Variants in ADCY1 observed in about 807,000 individuals in gnomAD.
ADCY1 encodes adenylate cyclase 1.
In ADCY1, 28 loss-of-function variants were observed where a neutral mutation model predicts 105.4. The ratio of observed to expected loss-of-function variants is 0.27; its 90% CI spans 0.20 to 0.36. The LOEUF (loss-of-function observed/expected upper bound fraction) is 0.36, where lower values mean the gene tolerates loss of function less well. Ranked by LOEUF, ADCY1 falls within the 10% of genes least tolerant of loss-of-function variation. ADCY1 has a pLI of 1.00. For missense variants in ADCY1, 977 were observed against 1,434.2 expected (o/e 0.68, Z 5.15); for synonymous variants, 655 against 623.8 (o/e 1.05, Z -0.75).
At chr7:45,653,488 C>T (rs1371345246) in intron 5 of ADCY1, among the ~76,000 whole-genome samples, 1 of 152,232 alleles carries the variant, frequency 6.6e-6, no homozygotes, top group Admixed American at 6.5e-5. Flanking sequence ...GTCCCTGTGT[C>T]AATCTGAGAC....
At chr7:45,657,665 A>T (rs975072077) in intron 5 of ADCY1, 62 bp from the exon 6 acceptor site, 1 of 1,543,914 alleles carries the variant, frequency 6.5e-7, no homozygotes, top group Non-Finnish European at 8.8e-7. Flanking sequence ...GTGCAGACCA[A>T]GGTGGCCCCC....
rs150372480 is a variant in ADCY1 at position 45,595,474 on chromosome 7, C to T, written c.789+2566C>T. Among the ~76,000 whole-genome samples the T allele has an allele frequency of 3.1e-3, 476 of 152,266 alleles. 3 individuals are homozygous for T. The highest frequency in any genetic ancestry group is 0.011 in the African/African-American group (452 of 41,544). On this transcript the variant is annotated intron_variant, in intron 2 of 19. Coordinates refer to ENST00000297323, the MANE Select transcript of ADCY1 (RefSeq NM_021116.4). Reference sequence around the variant, plus strand: ...ACCTCCTGTTTCCCCTGCCCCTTTCCGTTTACTAAGGCTGACGGCGACTCC... The same window carrying T: ...ACCTCCTGTTTCCCCTGCCCCTTTCTGTTTACTAAGGCTGACGGCGACTCC...
chr7:45,706,242 A>G (rs1785114485), intron 17 of ADCY1, among the ~76,000 whole-genome samples: 1 of 152,198 alleles, frequency 6.6e-6, no homozygotes, highest in Non-Finnish European at 1.5e-5. Flanking sequence ...AGTCAACACA[A>G]TATTGAAGCA....
chr7:45,632,967 G>T (rs966858702), intron 4 of ADCY1, among the ~76,000 whole-genome samples: 1 of 152,150 alleles, frequency 6.6e-6, no homozygotes, highest in African/African-American at 2.4e-5. Flanking sequence ...GCTTAGACTG[G>T]AGTGCAGTGG....
At chr7:45,595,323 A>AG (rs1253665682) in intron 2 of ADCY1, among the ~76,000 whole-genome samples, 2 of 152,090 alleles carry the variant, frequency 1.3e-5, no homozygotes, top group Non-Finnish European at 2.9e-5. Flanking sequence ...GGTGGGGCCC[A>AG]GGGGGGTTGG....
chr7:45,648,919 G>A, intron 5 of ADCY1, 122 bp downstream of exon 5: 1 of 1,212,920 alleles, frequency 8.2e-7, no homozygotes, highest in Non-Finnish European at 1.1e-6. Context: ...GTCCTGATGG[G>A]TCTGTCTGAG....
chr7:45,697,669 C>T (rs758518084), intron 14 of ADCY1, among the ~76,000 whole-genome samples: 84 of 152,322 alleles, frequency 5.5e-4, no homozygotes, highest in Admixed American at 1.4e-3. Flanking sequence ...GGATTACAGG[C>T]GTAAGCCACT....
chr7:45,673,861 G>A (rs1443276535), intron 8 of ADCY1, among the ~76,000 whole-genome samples: 3 of 150,452 alleles, frequency 2.0e-5, no homozygotes, highest in African/African-American at 4.9e-5. Flanking sequence ...ATTGATTTGA[G>A]ACTTTTTCTT....
At chr7:45,684,697 A>G in intron 11 of ADCY1, 1 of 273,566 alleles carries the variant, frequency 3.7e-6, no homozygotes, top group Non-Finnish European at 6.9e-6. Context: ...CTATCCAGTT[A>G]ACTTCAGTGC....
chr7:45,697,274 G>A (rs984537586), intron 14 of ADCY1, among the ~76,000 whole-genome samples: 42 of 152,042 alleles, frequency 2.8e-4, no homozygotes, highest in Admixed American at 2.3e-3. Context: ...GTTTCTCTCC[G>A]TGTACAGTGA....
intron 8 of ADCY1, chr7:45,664,483 A>G: frequency 6.8e-7 from 1 of 1,481,336 alleles, no homozygotes. Context: ...TTCTCTCAGC[A>G]CTCTCTCCTG....
At chr7:45,684,861 G>C (rs533613474) in intron 11 of ADCY1, 118 bp from the exon 12 acceptor site, 17 of 836,012 alleles carry the variant, frequency 2.0e-5, no homozygotes, top group Non-Finnish European at 3.4e-5. Flanking sequence ...GTGAAAAACG[G>C]ATGTGGACCT....
At chr7:45,696,617 C>G (rs1234319310) in intron 14 of ADCY1, among the ~76,000 whole-genome samples, 2 of 152,108 alleles carry the variant, frequency 1.3e-5, no homozygotes, top group African/African-American at 2.4e-5. Context: ...AACACGTGCT[C>G]AGGGTCAGGC....
At chr7:45,702,666 C>G (rs763858450) in intron 14 of ADCY1, among the ~76,000 whole-genome samples, 5 of 152,226 alleles carry the variant, frequency 3.3e-5, no homozygotes, top group Non-Finnish European at 7.3e-5. Flanking sequence ...GTGAATGAGG[C>G]CTTTGCTGTC....
Position 45,716,274 on chromosome 7 carries a change from G to C in ADCY1, c.*2279G>C, listed in dbSNP as rs1411604628. 1 of 152,724 alleles carries C rather than the reference G, an allele frequency of 6.5e-6. No homozygotes were observed. The highest frequency in any genetic ancestry group is 6.5e-5 in the Admixed American group (1 of 15,294). 9.5% of individuals were successfully genotyped at this position (152,724 alleles called of 1,614,324 possible). A position where few individuals can be genotyped will look rare whatever the true frequency, so the allele number is the denominator to read the frequency against. ...CCTGAGCTCATCCTGAGGACCCAGG[G>C]TCCATCTGAGCTGGCTGTGGGCTGA... On this transcript the variant is annotated 3_prime_UTR_variant, in exon 20 of 20. Transcript: ENST00000297323.
intron 3 of ADCY1, among the ~76,000 whole-genome samples, chr7:45,611,247 T>C (rs1793582592): frequency 6.6e-6 from 1 of 151,820 alleles, no homozygotes; most frequent in Admixed American, 6.6e-5. Context: ...AGGGCAGATG[T>C]GGTCAGGAGG....
Position 45,686,529 on chromosome 7 carries a change from T to C in ADCY1, c.2328-18T>C. ...AAGCTCGGCACTGACTTGGCTTTTC[T>C]TCCTCATCTTCCCCCAGGGGTGGTG... On this transcript the variant is annotated intron_variant, in intron 13 of 19. Coordinates refer to ENST00000297323, the MANE Select transcript of ADCY1 (RefSeq NM_021116.4). This position sits in a 1 kb window ranked among gnomAD's most constrained non-coding sequence, Gnocchi z 4.3. 6.2e-7 allele frequency: 1 copy of C among 1,602,432 alleles called. No homozygotes were observed. The highest frequency in any genetic ancestry group is 8.5e-7 in the Non-Finnish European group (1 of 1,173,034).
At chr7:45,601,424 C>T (rs564490666) in intron 2 of ADCY1, among the ~76,000 whole-genome samples, 1 of 152,316 alleles carries the variant, frequency 6.6e-6, no homozygotes, top group East Asian at 1.9e-4. Context: ...GTATCCATAC[C>T]TGAGCGCACT....
chr7:45,664,662 A>T (rs1795222473), intron 8 of ADCY1: 1 of 441,090 alleles, frequency 2.3e-6, no homozygotes, highest in Non-Finnish European at 3.6e-6. Flanking sequence ...AATAAACTTG[A>T]CTGGATGGTA....
Sources: allele counts gnomAD v4.1 joint callset (sites outside exome capture counted in the v4.1 genomes callset), GRCh38; gene constraint gnomAD v4.1.1; non-coding constraint Gnocchi (gnomAD v3.1); transcripts MANE v1.5; gene names NCBI Gene and HGNC (gene_info 2026-07-23, HGNC 2026-07-21).